Variants in CLASP1 observed in about 807,000 individuals in gnomAD.
CLASP1 encodes the protein cytoplasmic linker associated protein 1, also known as CLIP-associating protein 1.
Under a neutral mutation model 192.3 loss-of-function variants are expected in CLASP1, and 38 were observed. That is an observed-to-expected ratio of 0.20 (90% CI 0.15 to 0.26). The LOEUF is 0.26. Ranked by LOEUF, CLASP1 falls within the 10% of genes least tolerant of loss-of-function variation. CLASP1 has a pLI of 1.00. For synonymous variants in CLASP1, 691 were observed against 712.8 expected (o/e 0.97, Z 0.49); for missense variants, 1,433 against 1,932.5 (o/e 0.74, Z 4.85).
intron 4 of CLASP1, 126 bp downstream of exon 4, chr2:121,528,551 T>C (rs571960251): frequency 4.2e-6 from 3 of 719,268 alleles, no homozygotes; most frequent in Non-Finnish European, 7.4e-6. Context: ...TGTGAAAATT[T>C]TTATCTGTAA....
intron 2 of CLASP1, among the ~76,000 whole-genome samples, chr2:121,541,059 T>C (rs2095223027): frequency 6.6e-6 from 1 of 152,128 alleles, no homozygotes; most frequent in Non-Finnish European, 1.5e-5. Context: ...ATTAGAGCAG[T>C]GGGAGTGATG....
chr2:121,488,735 C>G (rs2093133018), intron 8 of CLASP1, among the ~76,000 whole-genome samples: 1 of 152,206 alleles, frequency 6.6e-6, no homozygotes, highest in South Asian at 2.1e-4. Context: ...GGGAGACCTG[C>G]TGCTGTTATA....
chr2:121,452,777 C>T (rs1231721011), intron 14 of CLASP1, among the ~76,000 whole-genome samples: 3 of 152,034 alleles, frequency 2.0e-5, no homozygotes, highest in Admixed American at 6.6e-5. Context: ...GGCGACAGAG[C>T]GAGACTCTGT....
chr2:121,582,974 C>T (rs1456746091), intron 2 of CLASP1, among the ~76,000 whole-genome samples: 1 of 151,830 alleles, frequency 6.6e-6, no homozygotes, highest in Admixed American at 6.6e-5. Flanking sequence ...TTAGTAGATA[C>T]GGGGTTTCAC....
chr2:121,340,775 TG>T, exon 40 of CLASP1: 1 of 995,094 alleles, frequency 1.0e-6, no homozygotes, highest in Non-Finnish European at 1.6e-6. Context: ...TTGTACTGAC[TG>T]GGCAGCCGAT....
chr2:121,357,028 C>A (rs1431090449), intron 37 of CLASP1, among the ~76,000 whole-genome samples: 1 of 152,290 alleles, frequency 6.6e-6, no homozygotes, highest in African/African-American at 2.4e-5. Context: ...TTTAAGGCTT[C>A]TCTTTGGCAT....
intron 2 of CLASP1, among the ~76,000 whole-genome samples, chr2:121,590,234 G>A (rs1007805819): frequency 1.3e-5 from 2 of 152,190 alleles, no homozygotes; most frequent in Non-Finnish European, 1.5e-5. Context: ...GCAATCTGCC[G>A]AACTTTGAAC....
At chr2:121,374,206 C>T (rs892979329) in intron 34 of CLASP1, among the ~76,000 whole-genome samples, 10 of 152,256 alleles carry the variant, frequency 6.6e-5, no homozygotes, top group Admixed American at 2.6e-4. Context: ...AAGGGGCCAA[C>T]GTACAGCTTG....
At chr2:121,561,691 A>C (rs2059102921) in intron 2 of CLASP1, among the ~76,000 whole-genome samples, 1 of 152,230 alleles carries the variant, frequency 6.6e-6, no homozygotes, top group South Asian at 2.1e-4. Context: ...CTTCTGAGCC[A>C]GGGGTTGGAA....
chr2:121,340,979 G>A, intron 39 of CLASP1, 32 bp from the exon 41 acceptor site: 2 of 1,441,358 alleles, frequency 1.4e-6, no homozygotes, highest in South Asian at 2.4e-5. Flanking sequence ...GAATTAGCAG[G>A]AAGAAAAGCA....
chr2:121,495,580 G>A (rs1360301785), intron 8 of CLASP1, among the ~76,000 whole-genome samples: 4 of 152,162 alleles, frequency 2.6e-5, no homozygotes, highest in South Asian at 2.1e-4. Context: ...AGAAGCGCTC[G>A]AACCAGGGAG....
intron 19 of CLASP1, among the ~76,000 whole-genome samples, chr2:121,431,518 G>A (rs1427213447): frequency 7.4e-6 from 1 of 135,606 alleles, no homozygotes; most frequent in Non-Finnish European, 1.5e-5. Flanking sequence ...GGAAGTCACT[G>A]AGCTAAATCA....
chr2:121,581,221 C>T (rs2061096914), intron 2 of CLASP1, among the ~76,000 whole-genome samples: 1 of 150,276 alleles, frequency 6.7e-6, no homozygotes, highest in African/African-American at 2.5e-5. Flanking sequence ...AATACAGTAC[C>T]CTAGAATCGT....
Position 121,594,016 on chromosome 2 carries a change from AGGCCT to A in CLASP1, c.195+11680_195+11684del, listed in dbSNP as rs1283923752. 3.8e-3 allele frequency among the ~76,000 whole-genome samples: 490 copies of A among 128,976 alleles called. 3 individuals carry two copies. Among genetic ancestry groups the A allele is most frequent in the African/African-American group, 0.014 (451 of 33,268 alleles). The allele number at this position is 128,976 out of a possible 152,430, so 84.6% of individuals were successfully genotyped here. A position where few individuals can be genotyped will look rare whatever the true frequency, so the allele number is the denominator to read the frequency against. ...AGAGCAAAACTCCGTCTCAAAAAAAAGGCCTGGCGCGGTGGCTCACGCCTGTAATC... is the reference window on the plus strand; with the variant it reads ...AGAGCAAAACTCCGTCTCAAAAAAAAGGCGCGGTGGCTCACGCCTGTAATC... On this transcript the variant is annotated intron_variant, in intron 2 of 39. Transcript: ENST00000263710.
At chr2:121,392,977 AC>A (rs2074639641) in intron 30 of CLASP1, among the ~76,000 whole-genome samples, 1 of 152,112 alleles carries the variant, frequency 6.6e-6, no homozygotes, top group Non-Finnish European at 1.5e-5. Flanking sequence ...CAATTTAAGC[AC>A]CCCTCCCTCC....
intron 2 of CLASP1, among the ~76,000 whole-genome samples, chr2:121,574,993 A>T (rs1482033636): frequency 6.6e-6 from 1 of 152,158 alleles, no homozygotes; most frequent in East Asian, 1.9e-4. Context: ...TCACCATAAA[A>T]AAAAAACTAT....
exon 17 of CLASP1, chr2:121,448,955 T>C: frequency 1.2e-6 from 2 of 1,612,870 alleles, no homozygotes; most frequent in Non-Finnish European, 1.7e-6. Context: ...TCTCTTACTT[T>C]AGACTCTCTT....
intron 2 of CLASP1, among the ~76,000 whole-genome samples, chr2:121,554,019 G>T (rs1167648717): frequency 6.6e-6 from 1 of 151,094 alleles, no homozygotes; most frequent in African/African-American, 2.4e-5. Flanking sequence ...TTCAAGATTA[G>T]CCTAGGCAAC....
chr2:121,556,839 T>C (rs1438069684), intron 2 of CLASP1, among the ~76,000 whole-genome samples: 1 of 152,190 alleles, frequency 6.6e-6, no homozygotes, highest in Non-Finnish European at 1.5e-5. Flanking sequence ...CCATACTTCT[T>C]GCTGCTAAAA....
Sources: gnomAD v4.1 joint callset for allele counts (sites outside exome capture counted in the v4.1 genomes callset) on GRCh38, gnomAD v4.1.1 for gene constraint, MANE v1.5 for transcripts, NCBI Gene and HGNC (gene_info 2026-07-23, HGNC 2026-07-21) for gene names.